ZNF704: variants seen among roughly 807,000 people sequenced by gnomAD.
ZNF704 encodes zinc finger protein 704.
In ZNF704, 10 loss-of-function variants were observed where a neutral mutation model predicts 44.7. That is an observed-to-expected ratio of 0.22 (90% CI 0.14 to 0.38). ZNF704 has a LOEUF of 0.38. ZNF704 is among the 10% of genes least tolerant of loss of function. The probability of loss-of-function intolerance (pLI) is 1.00; values close to 1 mark genes in which losing one functional copy is unlikely to be tolerated. For missense variants in ZNF704, 390 were observed against 545.5 expected (o/e 0.71, Z 2.84); for synonymous variants, 211 against 207.6 (o/e 1.02, Z -0.14).
At chr8:80,655,056 C>G (rs867169652) in intron 7 of ZNF704, among the ~76,000 whole-genome samples, 1 of 152,084 alleles carries the variant, frequency 6.6e-6, no homozygotes, top group Non-Finnish European at 1.5e-5. Flanking sequence ...ATGGATGAAG[C>G]TGGAAACCAT....
upstream of ZNF704, among the ~76,000 whole-genome samples, chr8:80,875,141 T>C (rs1809339311): frequency 6.6e-6 from 1 of 152,182 alleles, no homozygotes; most frequent in Non-Finnish European, 1.5e-5. Context: ...AAGAAATTAA[T>C]ATGAAGTAAG....
In ZNF704 at chr8:80,731,208, T is replaced by C. The variant is rs569739050; in HGVS notation, c.222-38101A>G. On this transcript the variant is annotated intron_variant, in intron 2 of 8. Transcript: ENST00000327835. ...ACCAAAATTTAGGGATCTTGATTGG[T>C]AGATTTCTACCAATAGATTTCTATT... Among the ~76,000 whole-genome samples, 12 of 152,332 alleles carry C rather than the reference T, an allele frequency of 7.9e-5. No homozygotes were observed. The South Asian group carries it at 1.7e-3, about 21-fold the overall frequency.
At chr8:80,661,269 C>T (rs1012212042) in intron 6 of ZNF704, among the ~76,000 whole-genome samples, 1 of 151,982 alleles carries the variant, frequency 6.6e-6, no homozygotes, top group Non-Finnish European at 1.5e-5. Flanking sequence ...GTTAGATTGG[C>T]TATTATTAAA....
intron 2 of ZNF704, among the ~76,000 whole-genome samples, chr8:80,746,753 G>C (rs939545928): frequency 6.6e-6 from 1 of 152,184 alleles, no homozygotes; most frequent in South Asian, 2.1e-4. Flanking sequence ...AGCAAACTCA[G>C]TCCTGGGTGC....
intron 4 of ZNF704, among the ~76,000 whole-genome samples, chr8:80,676,195 T>A (rs1350558866): frequency 1.3e-5 from 2 of 151,970 alleles, no homozygotes; most frequent in Non-Finnish European, 2.9e-5. Context: ...GGAGAGTAAG[T>A]GGGATTTAGG....
chr8:80,745,538 C>T (rs1806830011), intron 2 of ZNF704, among the ~76,000 whole-genome samples: 1 of 152,084 alleles, frequency 6.6e-6, no homozygotes, highest in Non-Finnish European at 1.5e-5. Flanking sequence ...AATAGACTTG[C>T]CACCTACCTC....
intron 2 of ZNF704, among the ~76,000 whole-genome samples, chr8:80,732,426 TG>T (rs1235679669): frequency 6.6e-6 from 1 of 152,210 alleles, no homozygotes; most frequent in Non-Finnish European, 1.5e-5. Flanking sequence ...TTTTGAGGCT[TG>T]GCTGCCAAAG....
chr8:80,674,208 T>C (rs1818325526), intron 4 of ZNF704, among the ~76,000 whole-genome samples: 1 of 152,206 alleles, frequency 6.6e-6, no homozygotes, highest in Non-Finnish European at 1.5e-5. Context: ...ACATGAAATG[T>C]AAGATGCGCC....
chr8:80,851,376 G>A (rs371623401), intron 1 of ZNF704, among the ~76,000 whole-genome samples: 1,988 of 152,182 alleles, frequency 0.013, 43 homozygotes, highest in African/African-American at 0.045. Flanking sequence ...ATACACCATG[G>A]AATACTATGC....
intron 2 of ZNF704, among the ~76,000 whole-genome samples, chr8:80,743,075 G>T (rs1158521985): frequency 6.6e-6 from 1 of 151,376 alleles, no homozygotes; most frequent in East Asian, 1.9e-4. Flanking sequence ...GAGCACAGGG[G>T]AAGGAACAAT....
intron 1 of ZNF704, among the ~76,000 whole-genome samples, chr8:80,864,086 C>G (rs1809113311): frequency 6.6e-6 from 1 of 152,074 alleles, no homozygotes; most frequent in South Asian, 2.1e-4. Flanking sequence ...TTCACAGATA[C>G]ACAAGTGAAA....
chr8:80,677,912 C>T (rs1448704066), intron 4 of ZNF704, among the ~76,000 whole-genome samples: 2 of 152,222 alleles, frequency 1.3e-5, no homozygotes, highest in Non-Finnish European at 2.9e-5. Flanking sequence ...TAATGTTTCT[C>T]AGTATGATTA....
chr8:80,739,436 GC>G (rs1445015196), intron 2 of ZNF704, among the ~76,000 whole-genome samples: 1 of 150,956 alleles, frequency 6.6e-6, no homozygotes, highest in Admixed American at 6.6e-5. Context: ...AGAAATGGAA[GC>G]AGCCCAAAGG....
chr8:80,845,353 C>A (rs186306087), intron 1 of ZNF704, among the ~76,000 whole-genome samples: 2 of 152,296 alleles, frequency 1.3e-5, no homozygotes, highest in African/African-American at 4.8e-5. Flanking sequence ...ACAGTCTTGG[C>A]TACATTTAGG....
At chr8:80,845,653 C>A (rs1460543914) in intron 1 of ZNF704, among the ~76,000 whole-genome samples, 1 of 152,136 alleles carries the variant, frequency 6.6e-6, no homozygotes. Context: ...TTTAGACTTG[C>A]TAATAAAGTA....
chr8:80,877,629 G>A (rs1419677072), upstream of ZNF704, among the ~76,000 whole-genome samples: 1 of 152,220 alleles, frequency 6.6e-6, no homozygotes, highest in African/African-American at 2.4e-5. Context: ...ATGGGATAAA[G>A]AAGGAGCCCC....
chr8:80,819,987 T>C (rs1238277981), intron 2 of ZNF704, among the ~76,000 whole-genome samples: 1 of 152,228 alleles, frequency 6.6e-6, no homozygotes, highest in Non-Finnish European at 1.5e-5. Flanking sequence ...ACTGTTTTCC[T>C]GGTTAACTGT....
intron 2 of ZNF704, among the ~76,000 whole-genome samples, chr8:80,726,293 C>T (rs1195928139): frequency 6.6e-6 from 1 of 151,944 alleles, no homozygotes; most frequent in African/African-American, 2.4e-5. Flanking sequence ...TGAAATTCAG[C>T]TCTGTAAAAG....
At chr8:80,832,405 GC>G (rs1808486048) in intron 1 of ZNF704, among the ~76,000 whole-genome samples, 1 of 152,160 alleles carries the variant, frequency 6.6e-6, no homozygotes, top group Non-Finnish European at 1.5e-5. Context: ...TCTGACTTCA[GC>G]CCACTTATTT....
Sources: allele counts gnomAD v4.1 joint callset (sites outside exome capture counted in the v4.1 genomes callset), GRCh38; gene constraint gnomAD v4.1.1; transcripts MANE v1.5; gene names NCBI Gene and HGNC (gene_info 2026-07-23, HGNC 2026-07-21).